Variants in EYS observed in about 807,000 individuals in gnomAD.
EYS encodes EGF-like photoreceptor maintenance factor.
Under a neutral mutation model 282.1 loss-of-function variants are expected in EYS, and 250 were observed. That is an observed-to-expected ratio of 0.89 (90% CI 0.80 to 0.98). The LOEUF (loss-of-function observed/expected upper bound fraction) is 0.98. Ranked by LOEUF, EYS falls within the 50% of genes least tolerant of loss-of-function variation. The probability of loss-of-function intolerance (pLI) is 0.00; values close to 1 mark genes in which losing one functional copy is unlikely to be tolerated. For missense variants in EYS, 4,016 were observed against 3,709.0 expected (o/e 1.08, Z -2.15); for synonymous variants, 1,355 against 1,282.9 (o/e 1.06, Z -1.20).
chr6:64,159,160 G>A (rs975333616), intron 31 of EYS, among the ~76,000 whole-genome samples: 2 of 152,074 alleles, frequency 1.3e-5, no homozygotes, highest in East Asian at 1.9e-4. Flanking sequence ...ACCTATGTAC[G>A]TCCTCCCATA....
At chr6:64,834,405 T>A (rs2150030244) in intron 19 of EYS, among the ~76,000 whole-genome samples, 1 of 151,836 alleles carries the variant, frequency 6.6e-6, no homozygotes, top group African/African-American at 2.4e-5. Flanking sequence ...ATGGAAAAAA[T>A]TGAAATTAAT....
Position 63,918,238 on chromosome 6 carries a change from G to A in EYS, c.7056-53880C>T, listed in dbSNP as rs984530228. On this transcript the variant is annotated intron_variant, in intron 35 of 42. Transcript: ENST00000503581. Reference sequence around the variant, plus strand: ...ATGCTATATAATGCCATGAGATTACGTGATTAATTTAGATAAGCAGCATTA... The same window carrying A: ...ATGCTATATAATGCCATGAGATTACATGATTAATTTAGATAAGCAGCATTA... Among the ~76,000 whole-genome samples, 4 of 152,136 alleles carry A rather than the reference G, an allele frequency of 2.6e-5. No homozygotes were observed. The East Asian group carries it at 5.8e-4, about 22-fold the overall frequency.
intron 26 of EYS, among the ~76,000 whole-genome samples, chr6:64,471,862 T>C (rs1235738632): frequency 3.9e-5 from 6 of 152,152 alleles, no homozygotes; most frequent in African/African-American, 1.2e-4. Flanking sequence ...TGTACAAACA[T>C]ATAATTAGAT....
At chr6:64,377,079 G>T (rs2150417437) in intron 29 of EYS, among the ~76,000 whole-genome samples, 1 of 147,240 alleles carries the variant, frequency 6.8e-6, no homozygotes, top group South Asian at 2.1e-4. Flanking sequence ...CTCTCTAGCT[G>T]GATGAATAGA....
chr6:64,635,939 A>G (rs1009130196), intron 22 of EYS, among the ~76,000 whole-genome samples: 1 of 151,592 alleles, frequency 6.6e-6, no homozygotes, highest in East Asian at 1.9e-4. Context: ...TCTGGATGTG[A>G]ATCCATCTGG....
chr6:63,972,692 C>T (rs34842681), intron 35 of EYS, among the ~76,000 whole-genome samples: 40,896 of 151,928 alleles, frequency 0.27, 6,198 homozygotes, highest in Middle Eastern at 0.35. Context: ...CCTCCCTTAG[C>T]CCCCAACCCC....
intron 13 of EYS, among the ~76,000 whole-genome samples, chr6:65,032,675 CTCTT>C (rs1231971612): frequency 2.0e-5 from 3 of 151,854 alleles, no homozygotes; most frequent in African/African-American, 7.3e-5. Context: ...AAATATCTCT[CTCTT>C]TTTTTTTTTA....
intron 35 of EYS, among the ~76,000 whole-genome samples, chr6:63,962,882 G>A (rs1582039879): frequency 6.6e-6 from 1 of 152,112 alleles, no homozygotes; most frequent in Admixed American, 6.6e-5. Context: ...ACGATAGACT[G>A]GATTAAGAAA....
intron 13 of EYS, among the ~76,000 whole-genome samples, chr6:65,014,453 T>C (rs1350336389): frequency 1.3e-5 from 2 of 152,182 alleles, no homozygotes; most frequent in African/African-American, 4.8e-5. Flanking sequence ...CTAAGACATC[T>C]TCAGTGCTAT....
intron 12 of EYS, among the ~76,000 whole-genome samples, chr6:65,072,797 G>A (rs980144543): frequency 2.0e-5 from 3 of 150,878 alleles, no homozygotes; most frequent in Admixed American, 1.3e-4. Flanking sequence ...CAATAATTAC[G>A]TAAGATAATT....
At chr6:64,208,789 A>G (rs1241783538) in intron 31 of EYS, among the ~76,000 whole-genome samples, 1 of 152,148 alleles carries the variant, frequency 6.6e-6, no homozygotes, top group Non-Finnish European at 1.5e-5. Flanking sequence ...TGAGGAAAAA[A>G]GCAAGGACAG....
intron 30 of EYS, among the ~76,000 whole-genome samples, chr6:64,283,548 T>C (rs1768387050): frequency 6.6e-6 from 1 of 152,130 alleles, no homozygotes; most frequent in Non-Finnish European, 1.5e-5. Flanking sequence ...TAAACATGCC[T>C]AGTGAGAGGT....
intron 26 of EYS, among the ~76,000 whole-genome samples, chr6:64,531,988 T>C (rs1369708484): frequency 6.6e-6 from 1 of 152,140 alleles, no homozygotes; most frequent in East Asian, 1.9e-4. Flanking sequence ...TAGGTGGACA[T>C]AAAGCATGAG....
chr6:64,513,232 A>T (rs113391932), intron 26 of EYS, among the ~76,000 whole-genome samples: 32 of 152,076 alleles, frequency 2.1e-4, no homozygotes, highest in African/African-American at 7.2e-4. Context: ...TAATTGAATT[A>T]AAAATGGATT....
At chr6:65,392,483 C>G (rs1766083416) in intron 7 of EYS, among the ~76,000 whole-genome samples, 1 of 152,052 alleles carries the variant, frequency 6.6e-6, no homozygotes, top group African/African-American at 2.4e-5. Context: ...AAGAAAACAA[C>G]AAACAACCCC....
chr6:65,260,526 T>G (rs1315996424), intron 12 of EYS, among the ~76,000 whole-genome samples: 2 of 152,094 alleles, frequency 1.3e-5, no homozygotes, highest in Non-Finnish European at 2.9e-5. Flanking sequence ...CATAAAGCTT[T>G]TCTTCTCTCA....
intron 40 of EYS, among the ~76,000 whole-genome samples, chr6:63,776,945 C>A (rs1378776877): frequency 1.3e-5 from 2 of 152,064 alleles, no homozygotes; most frequent in Non-Finnish European, 2.9e-5. Context: ...AGTTGTAGAG[C>A]AAATTAGAGT....
At chr6:64,992,640 T>A (rs1583370606) in intron 14 of EYS, among the ~76,000 whole-genome samples, 1 of 151,970 alleles carries the variant, frequency 6.6e-6, no homozygotes, top group East Asian at 1.9e-4. Context: ...GCTACAAAAA[T>A]TGAATTTTTC....
At chr6:64,815,972 G>A (rs1185677986) in intron 21 of EYS, among the ~76,000 whole-genome samples, 2 of 152,034 alleles carry the variant, frequency 1.3e-5, no homozygotes, top group Non-Finnish European at 1.5e-5. Flanking sequence ...TGAGGGATGT[G>A]GTTTAGATCC....
Sources: allele counts gnomAD v4.1 joint callset (sites outside exome capture counted in the v4.1 genomes callset), GRCh38; gene constraint gnomAD v4.1.1; transcripts MANE v1.5; gene names NCBI Gene and HGNC (gene_info 2026-07-23, HGNC 2026-07-21).